ZNF250: variants seen among roughly 807,000 people sequenced by gnomAD.
ZNF250 encodes the protein zinc finger protein 250.
In ZNF250, 13 loss-of-function variants were observed where a neutral mutation model predicts 37.1. That is an observed-to-expected ratio of 0.35 (90% CI 0.23 to 0.56). The LOEUF is 0.56. ZNF250 is among the 20% of genes least tolerant of loss of function. The probability of loss-of-function intolerance (pLI) is 0.87; values close to 1 mark genes in which losing one functional copy is unlikely to be tolerated. For synonymous variants in ZNF250, 251 were observed against 265.6 expected, an observed-to-expected ratio of 0.94 and a Z score of 0.54; for missense variants, 474 against 697.9, an observed-to-expected ratio of 0.68 and a Z score of 3.61.
chr8:144,881,443 C>T lies in ZNF250; in HGVS notation c.*72G>A, dbSNP rs572473496. The T allele has an allele frequency of 9.3e-6, 14 of 1,501,668 alleles. No homozygotes were observed. The East Asian group carries it at 2.5e-4, about 27-fold the overall frequency. 93.0% of individuals were successfully genotyped at this position (1,501,668 alleles called of 1,614,324 possible). On this transcript the variant is annotated 3_prime_UTR_variant, in exon 6 of 6. Coordinates refer to ENST00000417550, the MANE Select transcript of ZNF250 (RefSeq NM_001109689.4). Reference sequence around the variant, plus strand: ...CTTCCTATAGAGTTAACAGAGACTTCTCTTGGGCTGAAGGCTGCTTGTGGT... The same window carrying T: ...CTTCCTATAGAGTTAACAGAGACTTTTCTTGGGCTGAAGGCTGCTTGTGGT...
Position 144,897,591 on chromosome 8 carries a change from C to A in ZNF250, c.-55+3808G>T, listed in dbSNP as rs1047206694. On this transcript the variant is annotated intron_variant, in intron 1 of 5. Transcript: ENST00000417550. This position sits in a 1 kb window ranked among gnomAD's most constrained non-coding sequence, Gnocchi z 5.2. ...CTGAGACCAGCTCGGTCGGGGAGAC[C>A]CTAACCCAGCGGCGCTAGAGGAATT... Among the ~76,000 whole-genome samples, 3 of 151,976 alleles carry A rather than the reference C, an allele frequency of 2.0e-5. No individual in the cohort carries two copies. The highest frequency in any genetic ancestry group is 4.4e-5 in the Non-Finnish European group (3 of 67,990).
intron 1 of ZNF250, among the ~76,000 whole-genome samples, chr8:144,899,910 CCCT>C (rs1832986787): frequency 3.9e-5 from 6 of 152,116 alleles, no homozygotes; most frequent in African/African-American, 1.4e-4. Context: ...GTGGGGAAAG[CCCT>C]TTAAAACACA....
chr8:144,887,175 C>T lies in ZNF250; in HGVS notation c.284-273G>A, dbSNP rs544226515. Among the ~76,000 whole-genome samples the T allele has an allele frequency of 7.1e-5, 10 of 139,972 alleles. No individual in the cohort carries two copies. The East Asian group carries it at 1.7e-3, about 23-fold the overall frequency. The allele number at this position is 139,972 out of a possible 152,430, so 91.8% of individuals were successfully genotyped here. Reference sequence around the variant, plus strand: ...TGAGGCAGGAGAATCGCTTGAACCCCGGAGACAAGAAGTTGCAGTGAGCCG... The same window carrying T: ...TGAGGCAGGAGAATCGCTTGAACCCTGGAGACAAGAAGTTGCAGTGAGCCG... On this transcript the variant is annotated intron_variant, in intron 4 of 5. Coordinates refer to ENST00000417550, the MANE Select transcript of ZNF250 (RefSeq NM_001109689.4).
chr8:144,889,128 C>T (rs776267996), intron 4 of ZNF250, among the ~76,000 whole-genome samples: 5 of 152,208 alleles, frequency 3.3e-5, no homozygotes, highest in Non-Finnish European at 5.9e-5. Flanking sequence ...ATGGGGATGG[C>T]GGGCTTCTTT....
chr8:144,893,335 C>A (rs1359729413), intron 1 of ZNF250, among the ~76,000 whole-genome samples: 1 of 151,812 alleles, frequency 6.6e-6, no homozygotes, highest in African/African-American at 2.4e-5. Context: ...ACAGATCTGC[C>A]ATTTCTTTAT....
intron 4 of ZNF250, among the ~76,000 whole-genome samples, chr8:144,889,169 C>T (rs889839563): frequency 1.3e-5 from 2 of 152,252 alleles, no homozygotes; most frequent in African/African-American, 4.8e-5. Context: ...AGTGTGCTTT[C>T]AGCACTTCAC....
intron 1 of ZNF250, among the ~76,000 whole-genome samples, chr8:144,899,200 A>G (rs1832931307): frequency 6.6e-6 from 1 of 152,060 alleles, no homozygotes; most frequent in South Asian, 2.1e-4. Context: ...GGTAGAGGGT[A>G]GAATGATGAT....
chr8:144,879,921 TC>T lies in ZNF250; in HGVS notation c.*1593del. ...TCTCTACTAAAAATACGAAAATTAG[TC>T]GGGCGTGGTAGCAGGTGCCTGTAAT... On this transcript the variant is annotated 3_prime_UTR_variant, in exon 6 of 6. Transcript: ENST00000417550. 6.6e-6 allele frequency: 1 copy of T among 152,318 alleles called. No homozygotes were observed. The highest frequency in any genetic ancestry group is 2.4e-5 in the African/African-American group (1 of 41,440). 9.4% of individuals were successfully genotyped at this position (152,318 alleles called of 1,614,324 possible).
At chr8:144,886,136 A>C (rs1353620800) in intron 5 of ZNF250, among the ~76,000 whole-genome samples, 1 of 151,514 alleles carries the variant, frequency 6.6e-6, no homozygotes, top group Non-Finnish European at 1.5e-5. Flanking sequence ...GCGGCTTCTG[A>C]CCTGATGCCA....
intron 4 of ZNF250, among the ~76,000 whole-genome samples, chr8:144,887,358 G>A (rs1409729626): frequency 1.3e-5 from 2 of 151,640 alleles, no homozygotes; most frequent in Non-Finnish European, 2.9e-5. Flanking sequence ...CTGGGCAGGT[G>A]CACACACTTA....
intron 1 of ZNF250, among the ~76,000 whole-genome samples, chr8:144,900,913 G>T (rs763470084): frequency 1.3e-5 from 2 of 152,248 alleles, no homozygotes; most frequent in Non-Finnish European, 2.9e-5. Context: ...CATCCCAGGG[G>T]ACGCGAGACC....
chr8:144,884,389 T>G (rs1400615630), intron 5 of ZNF250, among the ~76,000 whole-genome samples: 1 of 152,172 alleles, frequency 6.6e-6, no homozygotes, highest in Non-Finnish European at 1.5e-5. Flanking sequence ...GTGGCTGGGA[T>G]TACAGGCACA....
At chr8:144,898,971 G>C (rs574547586) in intron 1 of ZNF250, among the ~76,000 whole-genome samples, 1 of 152,260 alleles carries the variant, frequency 6.6e-6, no homozygotes, top group South Asian at 2.1e-4. Context: ...CTAAGATATG[G>C]AATCAACCGA....
rs1461217201 is a variant in ZNF250, at chr8:144,878,256, T to C, written c.*3259A>G. On this transcript the variant is annotated 3_prime_UTR_variant, in exon 6 of 6. Coordinates refer to ENST00000417550, the MANE Select transcript of ZNF250 (RefSeq NM_001109689.4). ...TTCTGAAGTAACTTCTCAGTGATCA[T>C]AGCTTTTCCCTAAAGTAACCTCTTT... 4 of 152,316 alleles carry C rather than the reference T, an allele frequency of 2.6e-5. No individual in the cohort carries two copies. The highest frequency in any genetic ancestry group is 1.9e-4 in the East Asian group (1 of 5,186). 9.4% of individuals were successfully genotyped at this position (152,316 alleles called of 1,614,324 possible). A position where few individuals can be genotyped will look rare whatever the true frequency, so the allele number is the denominator to read the frequency against.
chr8:144,888,849 C>T (rs775330553), intron 4 of ZNF250, among the ~76,000 whole-genome samples: 8 of 152,176 alleles, frequency 5.3e-5, no homozygotes, highest in Non-Finnish European at 7.4e-5. Flanking sequence ...CCCGGGTTCA[C>T]GCCATGAATC....
Position 144,882,411 on chromosome 8 carries a change from C to T in ZNF250, c.772G>A (p.Ala258Thr), listed in dbSNP as rs756857263. The change falls in exon 6 of 6, where the codon GCC becomes ACC. Residue 258 changes from alanine to threonine, a missense_variant. Coordinates refer to ENST00000417550, the MANE Select transcript of ZNF250 (RefSeq NM_001109689.4). This position sits in a 1 kb window ranked among gnomAD's most constrained non-coding sequence, Gnocchi z 5.5. Reference sequence around the variant, plus strand: ...GCAAGATCTGAGCTCACTCTAAAGGCTTTTCCACACTCATTACACTCATAG... The same window carrying T: ...GCAAGATCTGAGCTCACTCTAAAGGTTTTTCCACACTCATTACACTCATAG... Reference protein sequence around the residue: ...KPYECNECGKAFRVSSDLAQH... With the variant: ...KPYECNECGKTFRVSSDLAQH... 2.5e-6 allele frequency: 4 copies of T among 1,613,928 alleles called. 1 individual carries two copies. The South Asian group carries it at 3.3e-5, about 13-fold the overall frequency.
rs1586912247 is a variant in ZNF250, at chr8:144,891,325, A to G, written c.-54-922T>C. Among the ~76,000 whole-genome samples the G allele has an allele frequency of 6.6e-6, 1 of 152,168 alleles. No homozygotes were observed. The highest frequency in any genetic ancestry group is 1.9e-4 in the East Asian group (1 of 5,190). ...CAATCCCCTCACATGCTTGGCTCAG[A>G]TGGGCACCACAACAAACAGGGTGCT... is the stretch of plus-strand genomic sequence containing the variant. On this transcript the variant is annotated intron_variant, in intron 1 of 5. Coordinates refer to ENST00000417550, the MANE Select transcript of ZNF250 (RefSeq NM_001109689.4). The surrounding 1 kb of genome is among the most constrained non-coding windows in gnomAD (Gnocchi z 4.0).
rs1265783226 is a variant in ZNF250, at chr8:144,891,542, C to G, written c.-54-1139G>C. 5.3e-5 allele frequency among the ~76,000 whole-genome samples: 8 copies of G among 152,044 alleles called. No individual in the cohort carries two copies. Among genetic ancestry groups the G allele is most frequent in the African/African-American group, 1.2e-4 (5 of 41,410 alleles). On this transcript the variant is annotated intron_variant, in intron 1 of 5. Coordinates refer to ENST00000417550, the MANE Select transcript of ZNF250 (RefSeq NM_001109689.4). This position sits in a 1 kb window ranked among gnomAD's most constrained non-coding sequence, Gnocchi z 4.0. The stretch of plus-strand genomic sequence containing the variant: ...ACCAGCCTGGCCAACATGGTGAAAC[C>G]CCGTCTCTACTAAAAATACAAAAAT...
At chr8:144,896,298 AACT>A (rs1426016029) in intron 1 of ZNF250, among the ~76,000 whole-genome samples, 1 of 152,020 alleles carries the variant, frequency 6.6e-6, no homozygotes, top group Non-Finnish European at 1.5e-5. Flanking sequence ...AGTAAGCTGT[AACT>A]GCACCACTAC....
Sources: allele counts gnomAD v4.1 joint callset (sites outside exome capture counted in the v4.1 genomes callset), GRCh38; gene constraint gnomAD v4.1.1; non-coding constraint Gnocchi (gnomAD v3.1); transcripts MANE v1.5; gene names NCBI Gene and HGNC (gene_info 2026-07-23, HGNC 2026-07-21).